CTBP2: variants seen among roughly 807,000 people sequenced by gnomAD.
The protein encoded by CTBP2 is C-terminal-binding protein 2.
Under a neutral mutation model 80.3 loss-of-function variants are expected in CTBP2, and 30 were observed. The ratio of observed to expected loss-of-function variants is 0.37; its 90% confidence interval spans 0.28 to 0.51. The LOEUF is 0.51. CTBP2 is among the 20% of genes least tolerant of loss of function. The pLI, the probability that CTBP2 is intolerant of heterozygous loss-of-function variation, is 0.93. For synonymous variants in CTBP2, 594 were observed against 587.4 expected (o/e 1.01, Z -0.16); for missense variants, 1,212 against 1,375.3 (o/e 0.88, Z 1.88).
At chr10:125,059,841 T>C (rs993509195) in intron 2 of CTBP2, among the ~76,000 whole-genome samples, 6 of 151,996 alleles carry the variant, frequency 3.9e-5, no homozygotes, top group South Asian at 2.1e-4. Flanking sequence ...CTGGATTCAC[T>C]GGGAGTCAGG....
chr10:125,108,693 A>C (rs576839352), intron 2 of CTBP2, among the ~76,000 whole-genome samples: 29 of 94,744 alleles, frequency 3.1e-4, no homozygotes, highest in African/African-American at 1.2e-3. Context: ...TCAGGGGAGA[A>C]GTTTTATCCT....
upstream of CTBP2, among the ~76,000 whole-genome samples, chr10:125,028,925 G>C (rs1371571744): frequency 6.6e-6 from 1 of 152,220 alleles, no homozygotes; most frequent in Admixed American, 6.5e-5. Context: ...TTAGATAAAG[G>C]AGTGCCCCGA....
intron 1 of CTBP2, among the ~76,000 whole-genome samples, chr10:125,157,801 C>T (rs1370325850): frequency 6.6e-6 from 1 of 152,196 alleles, no homozygotes; most frequent in African/African-American, 2.4e-5. Flanking sequence ...ACTTCAATGG[C>T]AACTGTAAGC....
At chr10:125,010,749 G>A (rs903881590) in intron 1 of CTBP2, among the ~76,000 whole-genome samples, 30 of 152,178 alleles carry the variant, frequency 2.0e-4, no homozygotes, top group African/African-American at 5.1e-4. Context: ...AGAGAGCAGC[G>A]TGGTACAAAA....
At chr10:125,041,603 A>G (rs1048890657) in intron 2 of CTBP2, among the ~76,000 whole-genome samples, 4 of 149,484 alleles carry the variant, frequency 2.7e-5, no homozygotes, top group Non-Finnish European at 4.4e-5. Context: ...CTGATGGTCA[A>G]ACTGCAGTCT....
At chr10:124,994,821 T>G in intron 4 of CTBP2, 138 bp from the exon 7 acceptor site, 2 of 891,086 alleles carry the variant, frequency 2.2e-6, no homozygotes, top group Non-Finnish European at 3.5e-6. Flanking sequence ...TGCCCAAAGC[T>G]TAGTGAGGCC....
intron 2 of CTBP2, among the ~76,000 whole-genome samples, chr10:125,095,266 G>T (rs982962486): frequency 6.6e-6 from 1 of 152,166 alleles, no homozygotes; most frequent in Non-Finnish European, 1.5e-5. Flanking sequence ...AAACAGAGGG[G>T]CGTAGGGTCC....
chr10:125,131,723 T>C (rs1378034287), intron 1 of CTBP2, among the ~76,000 whole-genome samples: 2 of 152,234 alleles, frequency 1.3e-5, no homozygotes, highest in South Asian at 2.1e-4. Context: ...TGGGCAACTC[T>C]GCTCCACAGA....
chr10:125,049,713 C>T (rs532651713), intron 2 of CTBP2, among the ~76,000 whole-genome samples: 5 of 152,090 alleles, frequency 3.3e-5, no homozygotes, highest in African/African-American at 7.2e-5. Context: ...TCAAAGCAAA[C>T]GCTGGCTGGG....
chr10:124,990,008 G>C (rs1952378251), intron 8 of CTBP2, among the ~76,000 whole-genome samples: 1 of 151,214 alleles, frequency 6.6e-6, no homozygotes, highest in South Asian at 2.1e-4. Context: ...AGAGTCCTGG[G>C]AGTACAGGCG....
chr10:125,081,925 C>T (rs960284323), intron 2 of CTBP2, among the ~76,000 whole-genome samples: 2 of 151,960 alleles, frequency 1.3e-5, no homozygotes, highest in African/African-American at 4.8e-5. Context: ...AAGTGGCCAC[C>T]GAGAACCCAC....
intron 8 of CTBP2, among the ~76,000 whole-genome samples, chr10:124,992,080 T>C (rs1358210482): frequency 6.6e-6 from 1 of 152,218 alleles, no homozygotes; most frequent in Non-Finnish European, 1.5e-5. Context: ...CTGAGTTGAT[T>C]GTACTATCCT....
At chr10:125,128,664 A>G (rs1178866853) in intron 1 of CTBP2, among the ~76,000 whole-genome samples, 2 of 152,210 alleles carry the variant, frequency 1.3e-5, no homozygotes, top group African/African-American at 4.8e-5. Flanking sequence ...CCCAAGCAGA[A>G]AGCCAACGTT....
rs1229767152 is a variant in CTBP2, at chr10:124,987,128, T to C, written c.*2390A>G. On this transcript the variant is annotated 3_prime_UTR_variant, in exon 9 of 9. Coordinates refer to ENST00000309035, the MANE Select transcript of CTBP2 (RefSeq NM_022802.3). ...TAGACTGGCTGTTAAAGGCCAAAAA[T>C]TTTGGTAAATCAATGCTATATTATG... is the stretch of plus-strand genomic sequence containing the variant. 6.6e-6 allele frequency: 1 copy of C among 152,538 alleles called. No homozygotes were observed. The highest frequency in any genetic ancestry group is 1.5e-5 in the Non-Finnish European group (1 of 68,016). The allele number at this position is 152,538 out of a possible 1,614,324, so 9.4% of individuals were successfully genotyped here. A position where few individuals can be genotyped will look rare whatever the true frequency, so the allele number is the denominator to read the frequency against.
chr10:125,063,399 C>T (rs1844125720), intron 2 of CTBP2, among the ~76,000 whole-genome samples: 1 of 152,194 alleles, frequency 6.6e-6, no homozygotes, highest in African/African-American at 2.4e-5. Context: ...ACTGAGCATT[C>T]ACTCTTCTGC....
intron 2 of CTBP2, among the ~76,000 whole-genome samples, chr10:125,051,630 ACT>A (rs1438857045): frequency 6.7e-6 from 1 of 150,302 alleles, no homozygotes; most frequent in Non-Finnish European, 1.5e-5. Flanking sequence ...ACAGAGTGAG[ACT>A]CTGTCTCAAA....
intron 4 of CTBP2, among the ~76,000 whole-genome samples, chr10:124,995,565 T>C (rs3781446): frequency 0.6 from 91,427 of 152,096 alleles, 28,385 homozygotes; most frequent in African/African-American, 0.77. Flanking sequence ...GCAGGCAGCC[T>C]GTGTTCCAGG....
chr10:125,149,008 C>T (rs908495431), intron 1 of CTBP2, among the ~76,000 whole-genome samples: 3 of 152,208 alleles, frequency 2.0e-5, no homozygotes, highest in African/African-American at 7.2e-5. Context: ...GGAAAACTGG[C>T]TCGCTGGCCT....
chr10:124,984,991 GAAAAA>G lies in CTBP2; in HGVS notation c.*4522_*4526del. 6.6e-6 allele frequency: 10 copies of G among 1,522,158 alleles called. No individual in the cohort carries two copies. The highest frequency in any genetic ancestry group is 8.9e-6 in the Non-Finnish European group (10 of 1,118,330). 94.3% of individuals were successfully genotyped at this position (1,522,158 alleles called of 1,614,324 possible). ...GAAGATGAGGATGATGAAGATGAATGAAAAAAAAAATCAAACAGCAGAAGACCAAG... is the reference window on the plus strand; with the variant it reads ...GAAGATGAGGATGATGAAGATGAATGAAAAATCAAACAGCAGAAGACCAAG... On this transcript the variant is annotated 3_prime_UTR_variant, in exon 9 of 9. Transcript: ENST00000309035.
Sources: allele counts gnomAD v4.1 joint callset (sites outside exome capture counted in the v4.1 genomes callset), GRCh38; gene constraint gnomAD v4.1.1; transcripts MANE v1.5; gene names NCBI Gene and HGNC (gene_info 2026-07-23, HGNC 2026-07-21).